The following SMARCA4 variants were observed in gnomAD, a reference collection of about 807,000 sequenced individuals.
SMARCA4 encodes the protein SWI/SNF-related matrix-associated actin-dependent regulator of chromatin subfamily A member 4.
SMARCA4 carries 31 observed loss-of-function variants against 193.9 expected under a neutral mutation model. The observed-to-expected ratio is 0.16, with a 90% confidence interval of 0.12 to 0.22. The LOEUF is 0.22. SMARCA4 is among the 10% of genes least tolerant of loss of function. The pLI, the probability that SMARCA4 is intolerant of heterozygous loss-of-function variation, is 1.00. For synonymous variants in SMARCA4, 942 were observed against 933.1 expected, an observed-to-expected ratio of 1.01 and a Z score of -0.17; for missense variants, 1,148 against 2,296.0, an observed-to-expected ratio of 0.50 and a Z score of 10.22.
At position 11,039,559 on chromosome 19, in the gene SMARCA4, G is replaced by C. The variant is rs773006531; in HGVS notation, c.4171-1748G>C. The C allele has an allele frequency of 2.5e-6, 4 of 1,582,274 alleles. No individual in the cohort carries two copies. The African/African-American group carries it at 5.4e-5, about 22-fold the overall frequency. ...TCTGCACACGTGCGTCAAAGGTGGG[G>C]AGAGTTCTGGTGGTGGGTGGCGCTG... is the stretch of plus-strand genomic sequence containing the variant. On this transcript the variant is annotated intron_variant, in intron 29 of 34. Coordinates refer to ENST00000344626, the MANE Select transcript of SMARCA4 (RefSeq NM_003072.5).
chr19:11,018,397 T>G, intron 16 of SMARCA4: 1 of 260,318 alleles, frequency 3.8e-6, no homozygotes, highest in Non-Finnish European at 7.6e-6. Context: ...GCCCTGGTCA[T>G]CCCACAGGGG....
In SMARCA4 at chr19:10,986,233, G is replaced by T. The variant is rs1057520203; in HGVS notation, c.400G>T (p.Val134Phe). The T allele has an allele frequency of 6.2e-7, 1 of 1,613,800 alleles. No individual in the cohort carries two copies. The highest frequency in any genetic ancestry group is 8.5e-7 in the Non-Finnish European group (1 of 1,180,018). ...TGGCTCTGAGCATGCCTCTAGTCCA[G>T]TTCCAGCCAGTGGCCCGTCTTCGGG... Reference protein sequence around the residue: ...LGGSEHASSPVPASGPSSGPQ... With the variant: ...LGGSEHASSPFPASGPSSGPQ... The change falls in exon 4 of 35, where the codon GTT (valine) becomes TTT (phenylalanine). Residue 134 changes from valine (V) to phenylalanine (F), a missense_variant. Val to Phe is a conservative substitution (Grantham distance 50, BLOSUM62 -1). This residue lies in a region of SMARCA4 where 201 missense variants were observed against 248.3 expected (regional missense o/e 0.81). Transcript: ENST00000344626. The surrounding 1 kb of genome is among the most constrained non-coding windows in gnomAD (Gnocchi z 6.7).
At chr19:11,021,411 A>T (rs1171238566) in intron 18 of SMARCA4, 4 of 460,718 alleles carry the variant, frequency 8.7e-6, no homozygotes, top group South Asian at 1.9e-5. Flanking sequence ...CGTGCTCGGC[A>T]TTTTTCTGTG....
intron 1 of SMARCA4, among the ~76,000 whole-genome samples, chr19:10,982,338 G>A (rs1235055819): frequency 1.3e-5 from 2 of 151,966 alleles, no homozygotes; most frequent in African/African-American, 4.8e-5. Context: ...GCTGGGCATG[G>A]TGGTGTGTGC....
In SMARCA4 at chr19:11,030,472, A is replaced by T. The variant is rs1002469651; in HGVS notation, c.3383-258A>T. On this transcript the variant is annotated intron_variant, in intron 24 of 34. Coordinates refer to ENST00000344626, the MANE Select transcript of SMARCA4 (RefSeq NM_003072.5). The surrounding 1 kb of genome is among the most constrained non-coding windows in gnomAD (Gnocchi z 5.5). ...GGCTGGGTGCTGGACTCTGTGCTCC[A>T]GGCCCACCTCCTCTAGTTCTCCCAG... 1.3e-5 allele frequency among the ~76,000 whole-genome samples: 2 copies of T among 152,212 alleles called. No individual in the cohort carries two copies. The highest frequency in any genetic ancestry group is 2.9e-5 in the Non-Finnish European group (2 of 68,038).
chr19:10,992,984 C>CTTT (rs758452838), intron 8 of SMARCA4, among the ~76,000 whole-genome samples: 25 of 109,326 alleles, frequency 2.3e-4, no homozygotes, highest in African/African-American at 4.2e-4. Context: ...TAAAACTTTG[C>CTTT]TTTTTTTTTT....
chr19:11,019,465 C>T lies in SMARCA4; in HGVS notation c.2506-126C>T, dbSNP rs1568482460. On this transcript the variant is annotated intron_variant, in intron 17 of 34. Coordinates refer to ENST00000344626, the MANE Select transcript of SMARCA4 (RefSeq NM_003072.5). This position sits in a 1 kb window ranked among gnomAD's most constrained non-coding sequence, Gnocchi z 6.1. ...CAGCGGCCCTGCCAGCCCCTTTCCC[C>T]ACTACCCCTGTGAGGACGAGCCCTC... The T allele has an allele frequency of 4.4e-6, 3 of 689,050 alleles. No individual in the cohort carries two copies. The South Asian group carries it at 4.7e-5, about 11-fold the overall frequency. The allele number at this position is 689,050 out of a possible 1,614,324, so 42.7% of individuals were successfully genotyped here.
intron 16 of SMARCA4, among the ~76,000 whole-genome samples, chr19:11,017,769 G>T (rs2089497467): frequency 6.6e-6 from 1 of 152,244 alleles, no homozygotes; most frequent in Non-Finnish European, 1.5e-5. Context: ...TACGGGCCAG[G>T]TCCGGTGGCT....
chr19:10,970,808 C>T (rs2084608724), intron 1 of SMARCA4, among the ~76,000 whole-genome samples: 1 of 152,166 alleles, frequency 6.6e-6, no homozygotes, highest in Non-Finnish European at 1.5e-5. Flanking sequence ...AAGACCCACG[C>T]ATCTGGTCAC....
chr19:11,018,975 G>A lies in SMARCA4; in HGVS notation c.2457G>A (p.Ala819=), dbSNP rs368438634. The A allele has an allele frequency of 1.2e-5, 19 of 1,613,900 alleles. No homozygotes were observed. The highest frequency in any genetic ancestry group is 1.1e-4 in the African/African-American group (8 of 74,944). The part of the protein sequence containing the change: ...IVPLSTLSNW[A]YEFDKWAPSV... ...CCATCAGAACGCTGTCCAACTGGGC[G>A]TACGAGTTTGACAAGTGGGCCCCCT... The change falls in exon 17 of 35, where the codon GCG becomes GCA. Residue 819 remains alanine (A), a synonymous_variant. Transcript: ENST00000344626.
chr19:11,058,279 G>C lies in SMARCA4; in HGVS notation c.4449G>C (p.Glu1483Asp), dbSNP rs776843815. The C allele has an allele frequency of 6.2e-7, 1 of 1,613,186 alleles. No individual in the cohort carries two copies. The highest frequency in any genetic ancestry group is 2.2e-5 in the East Asian group (1 of 44,862). ...KDSSSGRQLS[E>D]VFIQLPSRKE... ...GCAGCAGTGGACGTCAGCTCAGCGA[G>C]GTCTTCATCCAGCTGCCCTCGCGAA... is the stretch of plus-strand genomic sequence containing the variant. Residue 1483 changes from glutamate (E) to aspartate (D), a missense_variant, in exon 31 of 35, where the codon GAG (glutamate) becomes GAC (aspartate). Around this residue, in one of 17 missense-constraint regions of SMARCA4, gnomAD observed 141 missense variants for 193.0 expected, o/e 0.73. Coordinates refer to ENST00000344626, the MANE Select transcript of SMARCA4 (RefSeq NM_003072.5). This position sits in a 1 kb window ranked among gnomAD's most constrained non-coding sequence, Gnocchi z 5.8.
At chr19:11,054,293 G>A (rs1055006238) in intron 30 of SMARCA4, among the ~76,000 whole-genome samples, 2 of 152,224 alleles carry the variant, frequency 1.3e-5, no homozygotes, top group Non-Finnish European at 2.9e-5. Context: ...GCCCGGCAGC[G>A]GGAACTGGGC....
rs1282651436 is a variant in SMARCA4, at chr19:11,041,364, T to A, written c.4228T>A (p.Ser1410Thr). 2.5e-6 allele frequency: 4 copies of A among 1,612,500 alleles called. No homozygotes were observed. Among genetic ancestry groups the A allele is most frequent in the Non-Finnish European group, 3.4e-6 (4 of 1,179,968 alleles). The change falls in exon 30 of 35, where the codon TCA becomes ACA. Residue 1410 changes from serine (S) to threonine (T), a missense_variant. Ser to Thr is a moderately conservative substitution (Grantham distance 58). Transcript: ENST00000344626. The surrounding 1 kb of genome is among the most constrained non-coding windows in gnomAD (Gnocchi z 5.6). ...IEEEVRQKKS[S>T]RKRKRDSDAG... Reference sequence around the variant, plus strand: ...AGAGGAGGTCCGGCAGAAGAAATCATCACGGAAGCGCAAGCGAGACAGCGA... The same window carrying A: ...AGAGGAGGTCCGGCAGAAGAAATCAACACGGAAGCGCAAGCGAGACAGCGA...
intron 1 of SMARCA4, among the ~76,000 whole-genome samples, chr19:10,982,677 T>TG (rs1326320673): frequency 6.6e-6 from 1 of 151,902 alleles, no homozygotes; most frequent in Non-Finnish European, 1.5e-5. Context: ...GCTTTTTTTT[T>TG]GTATTTTTAG....
At chr19:10,971,679 G>C (rs2084686097) in intron 1 of SMARCA4, among the ~76,000 whole-genome samples, 2 of 151,890 alleles carry the variant, frequency 1.3e-5, no homozygotes, top group African/African-American at 4.8e-5. Flanking sequence ...TGTTGCCCAG[G>C]CTGGCCTCAA....
chr19:11,058,434 G>A lies in SMARCA4; in HGVS notation c.4533+71G>A, dbSNP rs2076671633. On this transcript the variant is annotated intron_variant, in intron 31 of 34. Transcript: ENST00000344626. This position sits in a 1 kb window ranked among gnomAD's most constrained non-coding sequence, Gnocchi z 5.8. ...GTCTGACCCAGGGGCACCCCCATCT[G>A]AGAGCTGTGGTGTGTGGGCAGAATG... The A allele has an allele frequency of 4.7e-6, 5 of 1,067,296 alleles. No homozygotes were observed. Among genetic ancestry groups the A allele is most frequent in the Admixed American group, 3.6e-5 (2 of 55,276 alleles). 66.1% of individuals were successfully genotyped at this position (1,067,296 alleles called of 1,614,324 possible). A position where few individuals can be genotyped will look rare whatever the true frequency, so the allele number is the denominator to read the frequency against.
intron 30 of SMARCA4, among the ~76,000 whole-genome samples, chr19:11,047,434 A>G (rs1379215146): frequency 6.8e-6 from 1 of 147,386 alleles, no homozygotes; most frequent in Non-Finnish European, 1.5e-5. Context: ...TTGGAGATGC[A>G]GTCTCACTCT....
chr19:10,971,527 G>A (rs2084672157), intron 1 of SMARCA4, among the ~76,000 whole-genome samples: 2 of 149,222 alleles, frequency 1.3e-5, no homozygotes, highest in Admixed American at 6.7e-5. Flanking sequence ...CAAGGTCTTG[G>A]TCTGTCACCC....
chr19:11,043,567 T>A (rs1432758170), intron 30 of SMARCA4, among the ~76,000 whole-genome samples: 1 of 151,798 alleles, frequency 6.6e-6, no homozygotes, highest in Non-Finnish European at 1.5e-5. Context: ...GGTGGGAGGA[T>A]CACTTGAGCA....
Sources: gnomAD v4.1 joint callset for allele counts (sites outside exome capture counted in the v4.1 genomes callset) on GRCh38, gnomAD v4.1.1 for gene constraint, gnomAD v4.1.1 regional missense constraint, Gnocchi (gnomAD v3.1) non-coding constraint, MANE v1.5 for transcripts, NCBI Gene and HGNC (gene_info 2026-07-23, HGNC 2026-07-21) for gene names.